Variants in RBFOX1 observed in about 807,000 individuals in gnomAD.
RBFOX1 encodes the protein RNA binding protein fox-1 homolog 1.
A neutral mutation model predicts 57.7 loss-of-function variants in RBFOX1; 8 were observed. That is an observed-to-expected ratio of 0.14 (90% CI 0.08 to 0.25). RBFOX1 has a LOEUF of 0.25. Among genes scored for constraint, RBFOX1 ranks in the 10% least tolerant of loss-of-function variants. RBFOX1 has a pLI of 1.00. For synonymous variants in RBFOX1, 326 were observed against 222.4 expected (o/e 1.47, Z -4.15); for missense variants, 611 against 548.5 (o/e 1.11, Z -1.14).
intron 3 of RBFOX1, among the ~76,000 whole-genome samples, chr16:6,884,129 T>C (rs2063494433): frequency 6.6e-6 from 1 of 152,190 alleles, no homozygotes; most frequent in South Asian, 2.1e-4. Context: ...CATCTGATGC[T>C]CGACCGAGCA....
At chr16:5,922,617 C>T (rs535609654) in intron 4 of RBFOX1, among the ~76,000 whole-genome samples, 1 of 152,236 alleles carries the variant, frequency 6.6e-6, no homozygotes, top group African/African-American at 2.4e-5. Flanking sequence ...TGGCAGAAAG[C>T]TGCTGCTGGT....
intron 1 of RBFOX1, among the ~76,000 whole-genome samples, chr16:6,238,451 G>C (rs1394268253): frequency 6.6e-6 from 1 of 152,090 alleles, no homozygotes; most frequent in African/African-American, 2.4e-5. Flanking sequence ...CTCCTGGCAT[G>C]GTGGAAATTG....
intron 3 of RBFOX1, among the ~76,000 whole-genome samples, chr16:7,044,556 C>G (rs1295813930): frequency 3.3e-5 from 5 of 152,136 alleles, no homozygotes; most frequent in Non-Finnish European, 7.4e-5. Context: ...AGTTTCTAAC[C>G]TTTCATAAGT....
intron 4 of RBFOX1, among the ~76,000 whole-genome samples, chr16:6,011,944 G>T (rs1053644370): frequency 1.3e-5 from 2 of 152,170 alleles, no homozygotes; most frequent in East Asian, 1.9e-4. Context: ...TACAATATTT[G>T]TAAGGTGGCA....
chr16:5,589,819 A>C (rs983872896), intron 2 of RBFOX1, among the ~76,000 whole-genome samples: 1 of 152,034 alleles, frequency 6.6e-6, no homozygotes, highest in Non-Finnish European at 1.5e-5. Flanking sequence ...CCCCAACTCT[A>C]CGTGACCCCC....
At chr16:6,612,384 A>C (rs1233389215) in intron 2 of RBFOX1, among the ~76,000 whole-genome samples, 1 of 152,150 alleles carries the variant, frequency 6.6e-6, no homozygotes, top group South Asian at 2.1e-4. Flanking sequence ...TAAAAGTAGT[A>C]AATAAAAACA....
At chr16:6,580,467 T>C (rs2097521537) in intron 2 of RBFOX1, among the ~76,000 whole-genome samples, 1 of 152,138 alleles carries the variant, frequency 6.6e-6, no homozygotes, top group South Asian at 2.1e-4. Context: ...GCCACAATAA[T>C]AAACAGCAGG....
At chr16:6,944,900 G>A (rs2079196781) in intron 3 of RBFOX1, among the ~76,000 whole-genome samples, 1 of 152,178 alleles carries the variant, frequency 6.6e-6, no homozygotes. Flanking sequence ...CTATGAATTT[G>A]CAGCTCTTAG....
chr16:6,349,003 T>C (rs1394673190), intron 2 of RBFOX1, among the ~76,000 whole-genome samples: 1 of 152,232 alleles, frequency 6.6e-6, no homozygotes, highest in African/African-American at 2.4e-5. Flanking sequence ...ATCTTGAGAT[T>C]TGATTCCTGA....
intron 4 of RBFOX1, among the ~76,000 whole-genome samples, chr16:7,198,206 C>T (rs553292600): frequency 6.6e-6 from 1 of 151,978 alleles, no homozygotes; most frequent in South Asian, 2.1e-4. Context: ...GGGGTTTCAC[C>T]GTGTTAGCCA....
intron 3 of RBFOX1, among the ~76,000 whole-genome samples, chr16:5,758,938 GT>G (rs2053492303): frequency 6.8e-6 from 1 of 146,868 alleles, no homozygotes; most frequent in African/African-American, 2.7e-5. Context: ...AAAGGAAATA[GT>G]TAGTGGGTTG....
At chr16:6,451,566 G>C (rs1483061751) in intron 2 of RBFOX1, among the ~76,000 whole-genome samples, 5 of 152,048 alleles carry the variant, frequency 3.3e-5, no homozygotes, top group Non-Finnish European at 7.4e-5. Context: ...GTGTTTTGTA[G>C]GTATTACCAC....
chr16:5,688,431 A>C (rs1286919345), intron 3 of RBFOX1, among the ~76,000 whole-genome samples: 1 of 152,220 alleles, frequency 6.6e-6, no homozygotes, highest in Non-Finnish European at 1.5e-5. Context: ...AGTTACCCTC[A>C]TGTTGCCTGC....
chr16:7,001,746 C>T (rs949586003), intron 3 of RBFOX1, among the ~76,000 whole-genome samples: 3 of 152,158 alleles, frequency 2.0e-5, no homozygotes, highest in Non-Finnish European at 4.4e-5. Context: ...GATGCGTCAA[C>T]ACACTGGCCT....
chr16:7,062,236 G>C (rs111331748), intron 4 of RBFOX1, among the ~76,000 whole-genome samples: 1 of 146,964 alleles, frequency 6.8e-6, no homozygotes, highest in Non-Finnish European at 1.5e-5. Flanking sequence ...GGAGAATGCC[G>C]TGAACCGAGA....
chr16:7,655,826 T>C (rs1568311836), intron 12 of RBFOX1, among the ~76,000 whole-genome samples: 1 of 152,182 alleles, frequency 6.6e-6, no homozygotes, highest in Non-Finnish European at 1.5e-5. Context: ...AATTATATGG[T>C]TTATCCTCAC....
At chr16:6,462,279 C>G (rs915280392) in intron 2 of RBFOX1, among the ~76,000 whole-genome samples, 3 of 152,172 alleles carry the variant, frequency 2.0e-5, no homozygotes, top group Admixed American at 6.5e-5. Context: ...CTGATGCATG[C>G]TCTTCTGTAT....
At chr16:6,400,611 T>C (rs1161254478) in intron 2 of RBFOX1, among the ~76,000 whole-genome samples, 3 of 152,222 alleles carry the variant, frequency 2.0e-5, no homozygotes, top group Non-Finnish European at 4.4e-5. Context: ...AGGCTGGGCC[T>C]TGTAGCTCAT....
intron 1 of RBFOX1, among the ~76,000 whole-genome samples, chr16:6,126,755 G>T (rs939051308): frequency 1.3e-5 from 2 of 152,056 alleles, no homozygotes; most frequent in East Asian, 3.9e-4. Flanking sequence ...TCACATAATA[G>T]TCAACATGTA....
Sources: allele counts gnomAD v4.1 joint callset (sites outside exome capture counted in the v4.1 genomes callset), GRCh38; gene constraint gnomAD v4.1.1; transcripts MANE v1.5; gene names NCBI Gene and HGNC (gene_info 2026-07-23, HGNC 2026-07-21).